The following NOS1 variants were observed in gnomAD, a reference collection of about 807,000 sequenced individuals.
NOS1 encodes NOS type I.
Under a neutral mutation model 164.5 loss-of-function variants are expected in NOS1, and 51 were observed. The ratio of observed to expected loss-of-function variants is 0.31; its 90% CI spans 0.25 to 0.39. The LOEUF (loss-of-function observed/expected upper bound fraction) is 0.39, where lower values mean the gene tolerates loss of function less well. NOS1 is among the 10% of genes least tolerant of loss of function. The pLI, the probability that NOS1 is intolerant of heterozygous loss-of-function variation, is 1.00. For missense variants in NOS1, 1,362 were observed against 1,885.6 expected, an observed-to-expected ratio of 0.72 and a Z score of 5.14; for synonymous variants, 719 against 745.8, an observed-to-expected ratio of 0.96 and a Z score of 0.59.
At chr12:117,338,274 G>A (rs1340106013) in intron 1 of NOS1, among the ~76,000 whole-genome samples, 1 of 151,896 alleles carries the variant, frequency 6.6e-6, no homozygotes, top group East Asian at 1.9e-4. Flanking sequence ...GGTGACACAT[G>A]CCTGTAGTCC....
intron 1 of NOS1, among the ~76,000 whole-genome samples, chr12:117,351,987 C>G (rs1043078193): frequency 6.6e-6 from 1 of 152,114 alleles, no homozygotes; most frequent in Non-Finnish European, 1.5e-5. Context: ...TTGAAACCAC[C>G]TTGGGCAACA....
intron 22 of NOS1, among the ~76,000 whole-genome samples, chr12:117,231,710 G>T (rs1210594412): frequency 6.6e-6 from 1 of 152,230 alleles, no homozygotes; most frequent in African/African-American, 2.4e-5. Flanking sequence ...AAGACAGAAA[G>T]AGTTAGAATA....
rs1956575088 is a variant in NOS1, at chr12:117,214,649, C to T, written c.*660G>A. ...TCCCCATGCCCTGAACCCTTTCTAACTAGAACAATTATGGGGCTTCCAAAT... is the reference window on the plus strand; with the variant it reads ...TCCCCATGCCCTGAACCCTTTCTAATTAGAACAATTATGGGGCTTCCAAAT... On this transcript the variant is annotated 3_prime_UTR_variant, in exon 29 of 29. Transcript: ENST00000317775. The T allele has an allele frequency of 1.0e-6, 1 of 985,308 alleles. No individual in the cohort carries two copies. The highest frequency in any genetic ancestry group is 1.1e-4 in the East Asian group (1 of 8,822). The allele number at this position is 985,308 out of a possible 1,614,324, so 61.0% of individuals were successfully genotyped here. A position where few individuals can be genotyped will look rare whatever the true frequency, so the allele number is the denominator to read the frequency against.
At chr12:117,257,516 T>G (rs1871553177) in intron 16 of NOS1, among the ~76,000 whole-genome samples, 1 of 152,308 alleles carries the variant, frequency 6.6e-6, no homozygotes, top group East Asian at 1.9e-4. Flanking sequence ...GTATCTTATC[T>G]TTTGAACTCA....
Position 117,328,329 on chromosome 12 carries a change from C to A in NOS1, c.725+2016G>T, listed in dbSNP as rs894442018. Reference sequence around the variant, plus strand: ...GGGATTACAGGCACCCACCATCATGCCTGGCTAATTTTGTATTTTTAGTGG... The same window carrying A: ...GGGATTACAGGCACCCACCATCATGACTGGCTAATTTTGTATTTTTAGTGG... On this transcript the variant is annotated intron_variant, in intron 2 of 28. Transcript: ENST00000317775. Among the ~76,000 whole-genome samples the A allele has an allele frequency of 5.3e-5, 8 of 151,950 alleles. No individual in the cohort carries two copies. The East Asian group carries it at 1.6e-3, about 29-fold the overall frequency.
intron 3 of NOS1, among the ~76,000 whole-genome samples, chr12:117,302,486 C>T (rs964393442): frequency 3.3e-4 from 48 of 146,408 alleles, no homozygotes; most frequent in Middle Eastern, 3.6e-3. Flanking sequence ...CCCAGCTACG[C>T]GGGAGGCTGA....
chr12:117,312,641 T>G (rs989011386), intron 2 of NOS1, among the ~76,000 whole-genome samples: 5 of 152,140 alleles, frequency 3.3e-5, no homozygotes, highest in Admixed American at 3.3e-4. Flanking sequence ...CAGGCTGGTC[T>G]CGAACTCCTT....
intron 1 of NOS1, among the ~76,000 whole-genome samples, chr12:117,336,982 G>A (rs1204914733): frequency 6.6e-6 from 1 of 151,862 alleles, no homozygotes; most frequent in African/African-American, 2.4e-5. Flanking sequence ...TTTTTGTAGA[G>A]AAGAGGTTTT....
chr12:117,218,600 G>A (rs1345467990), intron 27 of NOS1, among the ~76,000 whole-genome samples: 2 of 152,094 alleles, frequency 1.3e-5, no homozygotes, highest in Non-Finnish European at 2.9e-5. Flanking sequence ...ACAAGTGGCC[G>A]CATAGCACTC....
intron 17 of NOS1, among the ~76,000 whole-genome samples, chr12:117,251,595 CA>C (rs1191986417): frequency 5.1e-5 from 6 of 116,870 alleles, no homozygotes; most frequent in African/African-American, 2.0e-4. Flanking sequence ...TAATTTTTTT[CA>C]TTTTTTTTTT....
At chr12:117,288,880 G>A (rs1037751322) in intron 4 of NOS1, among the ~76,000 whole-genome samples, 2 of 152,144 alleles carry the variant, frequency 1.3e-5, no homozygotes, top group Non-Finnish European at 2.9e-5. Flanking sequence ...ATCTCAGCCA[G>A]GACCATCCTA....
chr12:117,269,673 G>A (rs996722668), intron 10 of NOS1, among the ~76,000 whole-genome samples: 5 of 151,880 alleles, frequency 3.3e-5, no homozygotes, highest in East Asian at 1.9e-4. Context: ...TCACCATGTT[G>A]GCCAGGATGG....
chr12:117,297,399 G>A (rs1873490697), intron 3 of NOS1, among the ~76,000 whole-genome samples: 1 of 152,074 alleles, frequency 6.6e-6, no homozygotes, highest in Non-Finnish European at 1.5e-5. Flanking sequence ...AGGATGGTGG[G>A]CTTTTTTTTG....
At chr12:117,305,687 T>C (rs1874105707) in intron 3 of NOS1, among the ~76,000 whole-genome samples, 1 of 151,952 alleles carries the variant, frequency 6.6e-6, no homozygotes, top group African/African-American at 2.4e-5. Flanking sequence ...CTCAAATATA[T>C]CTGAGCGCTA....
intron 3 of NOS1, among the ~76,000 whole-genome samples, chr12:117,303,411 C>T (rs185171029): frequency 2.6e-5 from 4 of 152,238 alleles, no homozygotes; most frequent in Non-Finnish European, 4.4e-5. Flanking sequence ...AGCTAGCAAG[C>T]CCTGCGTCCC....
intron 1 of NOS1, among the ~76,000 whole-genome samples, chr12:117,335,817 C>T (rs1875793641): frequency 6.7e-6 from 1 of 150,042 alleles, no homozygotes; most frequent in Admixed American, 6.7e-5. Flanking sequence ...CTCTGTGCCT[C>T]AAGTGATCCT....
intron 11 of NOS1, among the ~76,000 whole-genome samples, chr12:117,267,092 A>T (rs919486193): frequency 6.6e-6 from 1 of 152,068 alleles, no homozygotes. Context: ...TTGATTTAAC[A>T]CATTCATTCT....
intron 3 of NOS1, among the ~76,000 whole-genome samples, chr12:117,300,980 G>C (rs747080312): frequency 6.6e-6 from 1 of 152,184 alleles, no homozygotes; most frequent in Non-Finnish European, 1.5e-5. Context: ...ATGAGTCTAT[G>C]AAACCCCAAA....
intron 1 of NOS1, among the ~76,000 whole-genome samples, chr12:117,350,755 T>C (rs1876576161): frequency 6.6e-6 from 1 of 152,184 alleles, no homozygotes; most frequent in Non-Finnish European, 1.5e-5. Flanking sequence ...GTTGTCATCC[T>C]TTGCCCCCAG....
Sources: allele counts gnomAD v4.1 joint callset (sites outside exome capture counted in the v4.1 genomes callset), GRCh38; gene constraint gnomAD v4.1.1; transcripts MANE v1.5; gene names NCBI Gene and HGNC (gene_info 2026-07-23, HGNC 2026-07-21).